EFCAB6: variants seen among roughly 807,000 people sequenced by gnomAD.
EFCAB6 encodes EF-hand calcium binding domain 6, also known as EF-hand calcium-binding domain-containing protein 6.
A neutral mutation model predicts 169.8 loss-of-function variants in EFCAB6; 156 were observed. The ratio of observed to expected loss-of-function variants is 0.92; its 90% CI spans 0.81 to 1.05. EFCAB6 has a LOEUF of 1.05. EFCAB6 is among the 50% of genes least tolerant of loss of function. EFCAB6 has a pLI of 0.00. For missense variants in EFCAB6, 1,800 were observed against 1,829.1 expected, an observed-to-expected ratio of 0.98 and a Z score of 0.29; for synonymous variants, 698 against 676.4, an observed-to-expected ratio of 1.03 and a Z score of -0.50.
intron 7 of EFCAB6, among the ~76,000 whole-genome samples, chr22:43,732,101 G>A (rs1027038656): frequency 6.6e-6 from 1 of 152,212 alleles, no homozygotes; most frequent in Non-Finnish European, 1.5e-5. Flanking sequence ...CACCTAAGGA[G>A]TTTCTCCCGG....
In EFCAB6 at chr22:43,608,535, C is replaced by T; in HGVS notation, c.2628G>A (p.Leu876=). 6.2e-7 allele frequency: 1 copy of T among 1,614,188 alleles called. No homozygotes were observed. Among genetic ancestry groups the T allele is most frequent in the Non-Finnish European group, 8.5e-7 (1 of 1,180,030 alleles). ...GTGTGAGGGGAATATCAAAACCGTACAGTGCGTTCTTTATGTCCCGGCGTC... is the reference window on the plus strand; with the variant it reads ...GTGTGAGGGGAATATCAAAACCGTATAGTGCGTTCTTTATGTCCCGGCGTC... ...ILRRRDIKNA[L]YGFDIPLTPR... The change falls in exon 22 of 32, where the codon CTG becomes CTA. Residue 876 remains leucine (L), a synonymous_variant. Transcript: ENST00000262726.
intron 4 of EFCAB6, among the ~76,000 whole-genome samples, chr22:43,769,280 A>G (rs2061401970): frequency 6.6e-6 from 1 of 152,238 alleles, no homozygotes; most frequent in Non-Finnish European, 1.5e-5. Flanking sequence ...TCCAGAATCT[A>G]TAATGACAAA....
intron 13 of EFCAB6, among the ~76,000 whole-genome samples, chr22:43,673,243 CTT>C (rs1006981658): frequency 6.6e-6 from 1 of 152,154 alleles, no homozygotes; most frequent in African/African-American, 2.4e-5. Context: ...TCCATCCCCT[CTT>C]GTGTCCTTTG....
chr22:43,702,959 T>C (rs1335927571), intron 10 of EFCAB6, among the ~76,000 whole-genome samples: 1 of 152,124 alleles, frequency 6.6e-6, no homozygotes, highest in African/African-American at 2.4e-5. Context: ...TTAAACAATG[T>C]TCAGCCCAGC....
intron 26 of EFCAB6, among the ~76,000 whole-genome samples, chr22:43,564,884 G>A (rs982275520): frequency 1.3e-5 from 2 of 152,182 alleles, no homozygotes; most frequent in South Asian, 4.1e-4. Flanking sequence ...ATAGAAGGGG[G>A]TGGTAGACTT....
rs532846611 is a variant in EFCAB6 at position 43,753,635 on chromosome 22, G to T, written c.507+2131C>A. 2.6e-5 allele frequency among the ~76,000 whole-genome samples: 4 copies of T among 152,296 alleles called. No individual in the cohort carries two copies. The East Asian group carries it at 7.7e-4, about 29-fold the overall frequency. On this transcript the variant is annotated intron_variant, in intron 6 of 31. Coordinates refer to ENST00000262726, the MANE Select transcript of EFCAB6 (RefSeq NM_022785.4). ...GATAAGAGCATGAACATGAGCGTCG[G>T]TTGGAGGGTCTGAGGGCCTGTGAAG...
chr22:43,632,972 T>C (rs1292258611), intron 18 of EFCAB6, among the ~76,000 whole-genome samples: 1 of 152,244 alleles, frequency 6.6e-6, no homozygotes, highest in African/African-American at 2.4e-5. Flanking sequence ...TTCCTGACTG[T>C]GTATCTGTTA....
intron 15 of EFCAB6, among the ~76,000 whole-genome samples, chr22:43,670,413 A>G (rs1421055646): frequency 1.3e-5 from 2 of 152,184 alleles, no homozygotes; most frequent in African/African-American, 2.4e-5. Flanking sequence ...TTCCTTATCT[A>G]TGAAATGCAG....
chr22:43,799,171 A>T (rs2062614956), intron 2 of EFCAB6, among the ~76,000 whole-genome samples: 2 of 152,082 alleles, frequency 1.3e-5, no homozygotes, highest in African/African-American at 4.8e-5. Flanking sequence ...TACAAAAAAA[A>T]AAAAATTTTA....
intron 26 of EFCAB6, among the ~76,000 whole-genome samples, chr22:43,563,954 G>C (rs1381049419): frequency 6.6e-6 from 1 of 152,234 alleles, no homozygotes; most frequent in Non-Finnish European, 1.5e-5. Flanking sequence ...GGCTGTGGGG[G>C]TCCAATCACA....
chr22:43,736,144 T>C, intron 6 of EFCAB6, 151 bp from the exon 7 acceptor site: 1 of 744,160 alleles, frequency 1.3e-6, no homozygotes, highest in Admixed American at 3.6e-5. Flanking sequence ...ATGACATGTC[T>C]ACGGAAAAAG....
chr22:43,615,808 A>G lies in EFCAB6; in HGVS notation c.2562+18T>C. On this transcript the variant is annotated intron_variant, in intron 21 of 31. Transcript: ENST00000262726. ...AAATAGATTTTCTTTCCTTTTAAGG[A>G]AATAATCATTTTCTTACCTTAGACA... The G allele has an allele frequency of 6.3e-7, 1 of 1,598,230 alleles. No individual in the cohort carries two copies. Among genetic ancestry groups the G allele is most frequent in the Non-Finnish European group, 8.6e-7 (1 of 1,169,344 alleles).
intron 3 of EFCAB6, among the ~76,000 whole-genome samples, chr22:43,777,843 G>A (rs954145085): frequency 6.6e-5 from 10 of 152,272 alleles, no homozygotes; most frequent in Middle Eastern, 3.4e-3. Context: ...CTAATGCAAC[G>A]TCTGAGGATG....
chr22:43,603,920 G>T (rs1057314175), intron 22 of EFCAB6, among the ~76,000 whole-genome samples: 5 of 152,202 alleles, frequency 3.3e-5, no homozygotes, highest in Admixed American at 1.3e-4. Context: ...GGAGGTGACT[G>T]GATCCTTCAT....
At chr22:43,705,137 A>T (rs1482178859) in intron 10 of EFCAB6, among the ~76,000 whole-genome samples, 1 of 152,182 alleles carries the variant, frequency 6.6e-6, no homozygotes, top group South Asian at 2.1e-4. Context: ...AACAAAGGAC[A>T]TTATATAATG....
At chr22:43,767,041 A>C (rs1391646760) in intron 4 of EFCAB6, among the ~76,000 whole-genome samples, 3 of 152,250 alleles carry the variant, frequency 2.0e-5, no homozygotes, top group Non-Finnish European at 4.4e-5. Context: ...TTATGAATCT[A>C]AAATTTAGAT....
intron 6 of EFCAB6, among the ~76,000 whole-genome samples, chr22:43,742,788 C>T (rs1351810616): frequency 1.3e-5 from 2 of 152,204 alleles, no homozygotes; most frequent in East Asian, 3.9e-4. Context: ...CCCCACTGCA[C>T]CCCGGCCACC....
chr22:43,805,178 T>C (rs2062873914), intron 2 of EFCAB6, among the ~76,000 whole-genome samples: 1 of 152,126 alleles, frequency 6.6e-6, no homozygotes, highest in African/African-American at 2.4e-5. Flanking sequence ...CAAAGATTGA[T>C]ACAAGGAAAA....
At chr22:43,735,297 G>C (rs887082571) in intron 7 of EFCAB6, among the ~76,000 whole-genome samples, 72 of 149,710 alleles carry the variant, frequency 4.8e-4, no homozygotes, top group Middle Eastern at 3.4e-3. Context: ...TCTGCTGTTC[G>C]TCACCCTCCT....
Sources: allele counts gnomAD v4.1 joint callset (sites outside exome capture counted in the v4.1 genomes callset), GRCh38; gene constraint gnomAD v4.1.1; transcripts MANE v1.5; gene names NCBI Gene and HGNC (gene_info 2026-07-23, HGNC 2026-07-21).